Variants in GALNT13 observed in about 807,000 individuals in gnomAD.
The protein encoded by GALNT13 is UDP-GalNAc:polypeptide N-acetylgalactosaminyltransferase 13.
GALNT13 carries 28 observed loss-of-function variants against 64.2 expected under a neutral mutation model. The observed-to-expected ratio is 0.44, with a 90% CI of 0.32 to 0.60. The LOEUF is 0.60. Ranked by LOEUF, GALNT13 falls within the 20% of genes least tolerant of loss-of-function variation. The pLI is 0.05. For synonymous variants in GALNT13, 214 were observed against 224.6 expected (o/e 0.95, Z 0.42); for missense variants, 577 against 669.8 (o/e 0.86, Z 1.53).
intron 3 of GALNT13, among the ~76,000 whole-genome samples, chr2:154,122,440 T>C (rs1200214267): frequency 1.3e-5 from 2 of 151,990 alleles, no homozygotes; most frequent in Non-Finnish European, 2.9e-5. Context: ...GCTGGCATCA[T>C]AAAATATTTT....
the GALNT13 span, among the ~76,000 whole-genome samples, chr2:153,679,608 T>C: frequency 6.6e-6 from 1 of 152,034 alleles, no homozygotes; most frequent in East Asian, 1.9e-4. Flanking sequence ...CTTCACCTTA[T>C]TATCCTTTCT....
At chr2:154,406,115 G>A (rs991638689) in intron 10 of GALNT13, among the ~76,000 whole-genome samples, 1 of 152,228 alleles carries the variant, frequency 6.6e-6, no homozygotes, top group Admixed American at 6.5e-5. Context: ...AATAGAAATA[G>A]CATTTGCCCA....
intron 9 of GALNT13, among the ~76,000 whole-genome samples, chr2:154,363,009 T>C (rs1466771715): frequency 9.3e-6 from 1 of 107,110 alleles, no homozygotes; most frequent in Non-Finnish European, 2.1e-5. Flanking sequence ...TTGTACACTG[T>C]TTTGCTTTCT....
At chr2:153,629,081 A>G in the GALNT13 span, among the ~76,000 whole-genome samples, 5 of 151,976 alleles carry the variant, frequency 3.3e-5, no homozygotes, top group African/African-American at 9.7e-5. Context: ...TTGGGAGGGT[A>G]TATGTGTCGA....
the GALNT13 span, among the ~76,000 whole-genome samples, chr2:153,280,398 T>C: frequency 6.6e-6 from 1 of 152,188 alleles, no homozygotes; most frequent in South Asian, 2.1e-4. Context: ...ATTTCTTTTC[T>C]TCTGCTAACT....
At chr2:153,484,692 C>G in the GALNT13 span, among the ~76,000 whole-genome samples, 2 of 152,130 alleles carry the variant, frequency 1.3e-5, no homozygotes, top group Non-Finnish European at 2.9e-5. Context: ...AAACCAAACC[C>G]ACAATGATTA....
At chr2:153,489,754 C>A in the GALNT13 span, among the ~76,000 whole-genome samples, 1 of 152,086 alleles carries the variant, frequency 6.6e-6, no homozygotes, top group Non-Finnish European at 1.5e-5. Flanking sequence ...TTCCTAGGAA[C>A]TATTGGTTCT....
the GALNT13 span, among the ~76,000 whole-genome samples, chr2:153,446,106 TTC>T: frequency 6.6e-6 from 1 of 152,348 alleles, no homozygotes; most frequent in Middle Eastern, 3.4e-3. Context: ...TCTGACTCAC[TTC>T]TCAAACTTGC....
the GALNT13 span, among the ~76,000 whole-genome samples, chr2:153,109,934 A>T: frequency 6.6e-6 from 1 of 152,098 alleles, no homozygotes; most frequent in Non-Finnish European, 1.5e-5. Flanking sequence ...TAATTTGTGT[A>T]TATGACATCC....
At chr2:153,277,224 C>G in the GALNT13 span, among the ~76,000 whole-genome samples, 1 of 152,128 alleles carries the variant, frequency 6.6e-6, no homozygotes, top group Non-Finnish European at 1.5e-5. Flanking sequence ...CGCTCTAGTA[C>G]TTGCCAGTGT....
the GALNT13 span, among the ~76,000 whole-genome samples, chr2:153,182,390 T>C: frequency 6.6e-6 from 1 of 152,226 alleles, no homozygotes. Flanking sequence ...GTATTCACTT[T>C]AGAAATAATA....
At chr2:153,125,523 G>A in the GALNT13 span, among the ~76,000 whole-genome samples, 1 of 152,188 alleles carries the variant, frequency 6.6e-6, no homozygotes, top group Non-Finnish European at 1.5e-5. Flanking sequence ...AGGACTAAAT[G>A]TTCTTAGTTT....
the GALNT13 span, chr2:153,762,185 T>G: frequency 6.7e-6 from 1 of 149,488 alleles, no homozygotes; most frequent in Non-Finnish European, 1.5e-5. Flanking sequence ...TCCAGTAACT[T>G]GGCAACTGGG....
At chr2:153,635,445 C>CATATATATGTAT in the GALNT13 span, among the ~76,000 whole-genome samples, 1 of 132,428 alleles carries the variant, frequency 7.6e-6, no homozygotes, top group African/African-American at 2.8e-5. Context: ...TATATACACA[C>CATATATATGTAT]ATATATATGT....
At chr2:153,243,416 C>T in the GALNT13 span, among the ~76,000 whole-genome samples, 10 of 152,174 alleles carry the variant, frequency 6.6e-5, no homozygotes, top group African/African-American at 2.4e-4. Context: ...AGCAGTCAGA[C>T]CTTATCTACA....
chr2:153,078,694 T>C, the GALNT13 span, among the ~76,000 whole-genome samples: 1 of 152,110 alleles, frequency 6.6e-6, no homozygotes. Context: ...GAGGAATTTT[T>C]TTTACTTGTT....
the GALNT13 span, among the ~76,000 whole-genome samples, chr2:153,336,367 C>T: frequency 2.0e-5 from 3 of 152,144 alleles, no homozygotes; most frequent in Non-Finnish European, 2.9e-5. Context: ...GGAGGCTGTA[C>T]CCTGCAAAGC....
chr2:153,233,256 G>A, the GALNT13 span, among the ~76,000 whole-genome samples: 7 of 152,088 alleles, frequency 4.6e-5, no homozygotes, highest in South Asian at 1.0e-3. Flanking sequence ...TATTTCAGTG[G>A]TGAGTGGCAA....
At chr2:153,694,604 G>A in the GALNT13 span, among the ~76,000 whole-genome samples, 1 of 152,164 alleles carries the variant, frequency 6.6e-6, no homozygotes, top group Non-Finnish European at 1.5e-5. Context: ...ACCTTTGGGA[G>A]AGTCTTGATA....
Sources: allele counts gnomAD v4.1 joint callset (sites outside exome capture counted in the v4.1 genomes callset), GRCh38; gene constraint gnomAD v4.1.1; transcripts MANE v1.5; gene names NCBI Gene and HGNC (gene_info 2026-07-23, HGNC 2026-07-21).